KLRF2: variants seen among roughly 807,000 people sequenced by gnomAD.
KLRF2 encodes the protein killer cell lectin-like receptor subfamily F member 2.
Under a neutral mutation model 25.3 loss-of-function variants are expected in KLRF2, and 28 were observed. The ratio of observed to expected loss-of-function variants is 1.11; its 90% confidence interval spans 0.82 to 1.52. The LOEUF (loss-of-function observed/expected upper bound fraction) is 1.52, where lower values mean the gene tolerates loss of function less well. Among genes scored for constraint, KLRF2 ranks in the 40% most tolerant of loss-of-function variants. The pLI is 0.00. For synonymous variants in KLRF2, 73 were observed against 85.0 expected, an observed-to-expected ratio of 0.86 and a Z score of 0.78; for missense variants, 265 against 245.8, an observed-to-expected ratio of 1.08 and a Z score of -0.52.
At chr12:9,888,840 C>T in intron 3 of KLRF2, 60 bp downstream of exon 3, 1 of 1,020,456 alleles carries the variant, frequency 9.8e-7, no homozygotes, top group Non-Finnish European at 1.5e-6. Context: ...TTTGGCTTCC[C>T]TCTTCCTGGC....
At chr12:9,892,274 C>T (rs959256487) in intron 3 of KLRF2, among the ~76,000 whole-genome samples, 4 of 151,938 alleles carry the variant, frequency 2.6e-5, no homozygotes, top group African/African-American at 7.3e-5. Context: ...ACAGTATGAA[C>T]GAAAAGCACA....
chr12:9,882,489 T>C (rs1195744753), intron 1 of KLRF2, among the ~76,000 whole-genome samples: 1 of 152,122 alleles, frequency 6.6e-6, no homozygotes, highest in Non-Finnish European at 1.5e-5. Context: ...TTAAATTGAC[T>C]GAGGCAGACC....
intron 4 of KLRF2, 34 bp from the exon 5 acceptor site, chr12:9,893,395 A>G (rs1862709914): frequency 4.7e-6 from 5 of 1,071,732 alleles, no homozygotes; most frequent in Non-Finnish European, 5.4e-6. Flanking sequence ...TTTTTTAAAC[A>G]AATGAATGAA....
At chr12:9,882,957 T>G (rs541886409) in intron 1 of KLRF2, among the ~76,000 whole-genome samples, 1 of 152,206 alleles carries the variant, frequency 6.6e-6, no homozygotes, top group African/African-American at 2.4e-5. Flanking sequence ...ATCTATAAAC[T>G]ACTTTTTAAT....
intron 5 of KLRF2, 96 bp from the exon 6 acceptor site, chr12:9,895,593 G>T: frequency 8.4e-7 from 1 of 1,186,394 alleles, no homozygotes; most frequent in Non-Finnish European, 1.1e-6. Flanking sequence ...TTTGGCTGCT[G>T]AAGAATTACC....
intron 2 of KLRF2, among the ~76,000 whole-genome samples, chr12:9,887,556 G>A (rs902949335): frequency 4.6e-5 from 7 of 152,130 alleles, no homozygotes; most frequent in African/African-American, 1.7e-4. Context: ...TGGGAGGTGG[G>A]TGGCTAACTT....
At chr12:9,882,116 A>C (rs1454858877) in intron 1 of KLRF2, among the ~76,000 whole-genome samples, 1 of 152,174 alleles carries the variant, frequency 6.6e-6, no homozygotes, top group African/African-American at 2.4e-5. Context: ...GAGAAAAAAA[A>C]ACAAAAAAAC....
intron 5 of KLRF2, among the ~76,000 whole-genome samples, chr12:9,895,133 C>T (rs1862741475): frequency 6.6e-6 from 1 of 152,210 alleles, no homozygotes; most frequent in African/African-American, 2.4e-5. Flanking sequence ...ATAGGTTTTA[C>T]TTTGACTTAA....
Position 9,888,755 on chromosome 12 carries a change from G to A in KLRF2, c.192G>A (p.Gln64=). The A allele has an allele frequency of 6.6e-7, 1 of 1,503,980 alleles. No homozygotes were observed. The highest frequency in any genetic ancestry group is 8.9e-7 in the Non-Finnish European group (1 of 1,117,930). 93.2% of individuals were successfully genotyped at this position (1,503,980 alleles called of 1,614,324 possible). ...CAGATAAAAAAATGGATTTCTCCCA[G>A]AATGTAAACGTCAGCAGTCTATCAG... ...KFWHKKMDFS[Q]NVNVSSLSGH... The change falls in exon 3 of 6, where the codon CAG becomes CAA. Residue 64 remains glutamine, a synonymous_variant. Transcript: ENST00000535540.
At chr12:9,881,722 G>T in intron 1 of KLRF2, 57 bp downstream of exon 1, 1 of 1,200,928 alleles carries the variant, frequency 8.3e-7, no homozygotes, top group Non-Finnish European at 1.2e-6. Flanking sequence ...TCTAGGAAGA[G>T]AATTATCTTA....
In KLRF2 at chr12:9,893,186, G is replaced by T. The variant is rs903036478; in HGVS notation, c.366+18G>T. ...ATGAGCTGGTGAGAAATCAAAAACA[G>T]GATCTAACTGCACAAGGAAAAATGG... On this transcript the variant is annotated intron_variant, in intron 4 of 5. Transcript: ENST00000535540. 7 of 1,523,278 alleles carry T rather than the reference G, an allele frequency of 4.6e-6. No homozygotes were observed. Among genetic ancestry groups the T allele is most frequent in the Non-Finnish European group, 6.2e-6 (7 of 1,138,136 alleles). The allele number at this position is 1,523,278 out of a possible 1,614,324, so 94.4% of individuals were successfully genotyped here.
At chr12:9,892,487 A>T (rs2137003275) in intron 3 of KLRF2, among the ~76,000 whole-genome samples, 1 of 152,152 alleles carries the variant, frequency 6.6e-6, no homozygotes, top group Admixed American at 6.5e-5. Context: ...ATCAGAATTC[A>T]CAGGCTTTGT....
chr12:9,881,689 C>T (rs769048074), intron 1 of KLRF2, 24 bp downstream of exon 1: 216 of 1,489,314 alleles, frequency 1.5e-4, no homozygotes, highest in South Asian at 5.0e-4. Flanking sequence ...TCCCCATCAC[C>T]GCATTTAAAA....
intron 4 of KLRF2, 66 bp downstream of exon 4, chr12:9,893,234 A>T (rs916652436): frequency 1.4e-6 from 2 of 1,432,642 alleles, no homozygotes; most frequent in African/African-American, 1.4e-5. Flanking sequence ...TTCACTGCCT[A>T]AGAAGCTTGG....
chr12:9,892,704 C>G (rs1862692262), intron 3 of KLRF2, among the ~76,000 whole-genome samples: 1 of 151,418 alleles, frequency 6.6e-6, no homozygotes, highest in Non-Finnish European at 1.5e-5. Context: ...CCTGCCTCAG[C>G]CTCCCAAGTA....
At chr12:9,887,724 G>GTT (rs79181089) in intron 2 of KLRF2, among the ~76,000 whole-genome samples, 2,681 of 133,498 alleles carry the variant, frequency 0.02, 40 homozygotes, top group Middle Eastern at 0.042. Context: ...GGTCAAAAGA[G>GTT]TTTTTTTTTT....
At chr12:9,894,116 TTTC>T in intron 5 of KLRF2, among the ~76,000 whole-genome samples, 1 of 128,234 alleles carries the variant, frequency 7.8e-6, no homozygotes, top group East Asian at 2.4e-4. Context: ...TTTCTTTTTC[TTTC>T]TTTTCTTTCT....
chr12:9,890,548 A>G (rs944438765), intron 3 of KLRF2, among the ~76,000 whole-genome samples: 5 of 152,272 alleles, frequency 3.3e-5, no homozygotes, highest in Admixed American at 2.6e-4. Flanking sequence ...TCACTCTTGT[A>G]CACCCTCCCG....
At chr12:9,890,976 A>G (rs949203200) in intron 3 of KLRF2, among the ~76,000 whole-genome samples, 1 of 152,114 alleles carries the variant, frequency 6.6e-6, no homozygotes, top group Non-Finnish European at 1.5e-5. Context: ...AATTATAATC[A>G]AAGACTTTAA....
Sources: allele counts gnomAD v4.1 joint callset (sites outside exome capture counted in the v4.1 genomes callset), GRCh38; gene constraint gnomAD v4.1.1; transcripts MANE v1.5; gene names NCBI Gene and HGNC (gene_info 2026-07-23, HGNC 2026-07-21).